The following EPHA3 variants were observed in gnomAD, a reference collection of about 807,000 sequenced individuals.
EPHA3 encodes the protein ephrin type-A receptor 3.
EPHA3 carries 42 observed loss-of-function variants against 107.1 expected under a neutral mutation model. The ratio of observed to expected loss-of-function variants is 0.39; its 90% CI spans 0.31 to 0.51. The LOEUF (loss-of-function observed/expected upper bound fraction) is 0.51. Ranked by LOEUF, EPHA3 falls within the 20% of genes least tolerant of loss-of-function variation. EPHA3 has a pLI of 0.78. For missense variants in EPHA3, 1,183 were observed against 1,211.2 expected (o/e 0.98, Z 0.35); for synonymous variants, 461 against 424.8 (o/e 1.09, Z -1.05).
chr3:89,383,418 A>G (rs1272960150), intron 5 of EPHA3, among the ~76,000 whole-genome samples: 2 of 152,094 alleles, frequency 1.3e-5, no homozygotes, highest in African/African-American at 2.4e-5. Flanking sequence ...TTTAAGTTAC[A>G]TCTCTCAACT....
chr3:89,208,137 G>T (rs1010337120), intron 2 of EPHA3, among the ~76,000 whole-genome samples: 3 of 152,018 alleles, frequency 2.0e-5, no homozygotes, highest in Non-Finnish European at 2.9e-5. Flanking sequence ...ACTTTGGGAG[G>T]CCAGGGCAGG....
intron 2 of EPHA3, among the ~76,000 whole-genome samples, chr3:89,187,563 T>A (rs1337457852): frequency 6.6e-6 from 1 of 151,938 alleles, no homozygotes; most frequent in Admixed American, 6.6e-5. Context: ...AAAAATATGT[T>A]AATTTAAATT....
At chr3:89,333,460 T>A (rs1707332099) in intron 3 of EPHA3, among the ~76,000 whole-genome samples, 1 of 152,206 alleles carries the variant, frequency 6.6e-6, no homozygotes, top group African/African-American at 2.4e-5. Flanking sequence ...TGTGGCCCAT[T>A]CTGGGTGTTT....
intron 3 of EPHA3, among the ~76,000 whole-genome samples, chr3:89,339,370 C>CAAAAAAAAAA (rs10575384): frequency 3.8e-5 from 4 of 106,580 alleles, no homozygotes; most frequent in Non-Finnish European, 7.4e-5. Context: ...GACTCCATCT[C>CAAAAAAAAAA]AAAAAAAAAA....
At chr3:89,292,852 T>G (rs1706247894) in intron 3 of EPHA3, among the ~76,000 whole-genome samples, 1 of 152,212 alleles carries the variant, frequency 6.6e-6, no homozygotes, top group African/African-American at 2.4e-5. Context: ...GTTTCATTTC[T>G]TTTGGATAAT....
At position 89,261,972 on chromosome 3, in the gene EPHA3, A is replaced by C. The variant is rs114043993; in HGVS notation, c.814+51452A>C. 4.5e-3 allele frequency among the ~76,000 whole-genome samples: 686 copies of C among 152,098 alleles called. 4 individuals carry two copies. The highest frequency in any genetic ancestry group is 0.012 in the African/African-American group (507 of 41,540). On this transcript the variant is annotated intron_variant, in intron 3 of 16. Transcript: ENST00000336596. ...TTTATTTTATAGCATTATTAGTAAA[A>C]TATTGATATTATTTAATTGGTTTAC...
intron 2 of EPHA3, among the ~76,000 whole-genome samples, chr3:89,206,500 T>C (rs541607724): frequency 7.8e-4 from 119 of 152,320 alleles, no homozygotes; most frequent in African/African-American, 2.6e-3. Context: ...GAACTTTCTA[T>C]AAGATGGTTA....
At position 89,376,045 on chromosome 3, in the gene EPHA3, C is replaced by T. The variant is rs369541290; in HGVS notation, c.1307-19792C>T. On this transcript the variant is annotated intron_variant, in intron 5 of 16. Coordinates refer to ENST00000336596, the MANE Select transcript of EPHA3 (RefSeq NM_005233.6). ...CACAGAAAATCTTCTTGAATGAAATCATTTTATGATATTTACTTTAATAAT... is the reference window on the plus strand; with the variant it reads ...CACAGAAAATCTTCTTGAATGAAATTATTTTATGATATTTACTTTAATAAT... Among the ~76,000 whole-genome samples, 71 of 151,970 alleles carry T rather than the reference C, an allele frequency of 4.7e-4. No homozygotes were observed. The Middle Eastern group carries it at 0.01, about 22-fold the overall frequency.
At chr3:89,157,455 G>T (rs1396718655) in intron 2 of EPHA3, among the ~76,000 whole-genome samples, 2 of 151,908 alleles carry the variant, frequency 1.3e-5, no homozygotes, top group Non-Finnish European at 1.5e-5. Flanking sequence ...CAGATCTCTT[G>T]CAAAGTTGAT....
chr3:89,122,899 C>T (rs1214505741), intron 1 of EPHA3, among the ~76,000 whole-genome samples: 1 of 152,128 alleles, frequency 6.6e-6, no homozygotes, highest in African/African-American at 2.4e-5. Context: ...ATTTGTGACA[C>T]TACCAATACT....
intron 2 of EPHA3, among the ~76,000 whole-genome samples, chr3:89,142,807 T>C (rs1704458306): frequency 6.6e-6 from 1 of 151,464 alleles, no homozygotes; most frequent in Non-Finnish European, 1.5e-5. Flanking sequence ...TTTAGACCAG[T>C]GAGCCATCAA....
At chr3:89,246,675 T>C (rs1705040974) in intron 3 of EPHA3, among the ~76,000 whole-genome samples, 3 of 152,226 alleles carry the variant, frequency 2.0e-5, no homozygotes, top group Admixed American at 6.5e-5. Context: ...TATGATACAG[T>C]GGACATACTT....
At chr3:89,321,703 C>T (rs1459760981) in intron 3 of EPHA3, among the ~76,000 whole-genome samples, 1 of 152,006 alleles carries the variant, frequency 6.6e-6, no homozygotes, top group African/African-American at 2.4e-5. Context: ...AATAAAGGTA[C>T]TGTATATAAA....
intron 2 of EPHA3, among the ~76,000 whole-genome samples, chr3:89,190,553 C>T (rs768444727): frequency 6.6e-6 from 1 of 152,204 alleles, no homozygotes; most frequent in Non-Finnish European, 1.5e-5. Context: ...GTATTTTTCT[C>T]ACAGGCTGGA....
At chr3:89,309,988 T>C (rs1378323859) in intron 3 of EPHA3, among the ~76,000 whole-genome samples, 1 of 151,412 alleles carries the variant, frequency 6.6e-6, no homozygotes, top group Admixed American at 6.6e-5. Flanking sequence ...ACTAAATGCA[T>C]CACCTCAGAA....
intron 2 of EPHA3, among the ~76,000 whole-genome samples, chr3:89,189,667 C>T (rs745813820): frequency 3.3e-5 from 5 of 152,188 alleles, no homozygotes; most frequent in Non-Finnish European, 5.9e-5. Flanking sequence ...GAGAATTCCT[C>T]GTTTCCTGAA....
At chr3:89,249,708 G>C (rs547394877) in intron 3 of EPHA3, among the ~76,000 whole-genome samples, 1 of 152,130 alleles carries the variant, frequency 6.6e-6, no homozygotes, top group Non-Finnish European at 1.5e-5. Context: ...CAATCTGCCT[G>C]CCTCAGCCTC....
intron 3 of EPHA3, among the ~76,000 whole-genome samples, chr3:89,258,583 G>A (rs941951779): frequency 6.6e-6 from 1 of 152,136 alleles, no homozygotes; most frequent in Non-Finnish European, 1.5e-5. Flanking sequence ...AACAAATCAA[G>A]TAAAGTGCCA....
At chr3:89,419,703 G>C (rs1371729422) in intron 11 of EPHA3, among the ~76,000 whole-genome samples, 1 of 151,416 alleles carries the variant, frequency 6.6e-6, no homozygotes, top group Non-Finnish European at 1.5e-5. Context: ...TATGTAAGTA[G>C]CAAAGAAAAA....
Sources: gnomAD v4.1 joint callset for allele counts (sites outside exome capture counted in the v4.1 genomes callset) on GRCh38, gnomAD v4.1.1 for gene constraint, MANE v1.5 for transcripts, NCBI Gene and HGNC (gene_info 2026-07-23, HGNC 2026-07-21) for gene names.